RABGAP1L: variants seen among roughly 807,000 people sequenced by gnomAD.
RABGAP1L encodes the protein rab GTPase-activating protein 1-like.
Under a neutral mutation model 137.7 loss-of-function variants are expected in RABGAP1L, and 63 were observed. The observed-to-expected ratio is 0.46, with a 90% CI of 0.37 to 0.56. The LOEUF is 0.56. Among genes scored for constraint, RABGAP1L ranks in the 20% least tolerant of loss-of-function variants. The pLI is 0.00. For missense variants in RABGAP1L, 1,095 were observed against 1,244.0 expected (o/e 0.88, Z 1.80); for synonymous variants, 431 against 433.7 (o/e 0.99, Z 0.08).
chr1:174,978,979 G>C, intron 23 of RABGAP1L, 89 bp downstream of exon 23: 1 of 1,378,872 alleles, frequency 7.3e-7, no homozygotes, highest in South Asian at 1.8e-5. Context: ...AGGAGTTTGA[G>C]ACTAGCCTGA....
At chr1:174,588,361 C>T (rs1278356011) in intron 13 of RABGAP1L, among the ~76,000 whole-genome samples, 2 of 151,456 alleles carry the variant, frequency 1.3e-5, no homozygotes, top group East Asian at 1.9e-4. Context: ...ATGGGGGTTT[C>T]ATCATGTTGG....
intron 15 of RABGAP1L, among the ~76,000 whole-genome samples, chr1:174,686,396 T>C (rs1678460577): frequency 6.6e-6 from 1 of 152,160 alleles, no homozygotes; most frequent in Non-Finnish European, 1.5e-5. Context: ...TCTCACCTTT[T>C]TGGGACTTCC....
intron 13 of RABGAP1L, among the ~76,000 whole-genome samples, chr1:174,536,069 G>T (rs1664864295): frequency 6.6e-6 from 1 of 151,944 alleles, no homozygotes; most frequent in Non-Finnish European, 1.5e-5. Flanking sequence ...AGGAAATCTT[G>T]TCCTTATCTC....
chr1:174,771,918 G>A (rs187946353), intron 18 of RABGAP1L, among the ~76,000 whole-genome samples: 2 of 152,262 alleles, frequency 1.3e-5, no homozygotes, highest in African/African-American at 4.8e-5. Flanking sequence ...TAATCTTCAC[G>A]GCCGGGCACA....
intron 19 of RABGAP1L, among the ~76,000 whole-genome samples, chr1:174,879,539 A>C (rs1308451812): frequency 6.6e-6 from 1 of 152,092 alleles, no homozygotes; most frequent in African/African-American, 2.4e-5. Flanking sequence ...GGCTGATACT[A>C]TGATTTTTTT....
intron 1 of RABGAP1L, among the ~76,000 whole-genome samples, chr1:174,209,645 T>C (rs1228269500): frequency 1.3e-5 from 2 of 152,180 alleles, no homozygotes; most frequent in African/African-American, 2.4e-5. Flanking sequence ...ATGACACTTC[T>C]TGACCCACCT....
Position 174,829,643 on chromosome 1 carries a change from T to C in RABGAP1L, c.2340+17683T>C, listed in dbSNP as rs758120092. 2.7e-5 allele frequency among the ~76,000 whole-genome samples: 4 copies of C among 148,506 alleles called. 1 individual carries two copies. The highest frequency in any genetic ancestry group is 4.5e-5 in the Non-Finnish European group (3 of 66,734). On this transcript the variant is annotated intron_variant, in intron 19 of 25. Coordinates refer to ENST00000681986, the MANE Select transcript of RABGAP1L (RefSeq NM_001366446.1). The stretch of plus-strand genomic sequence containing the variant: ...TGTGTTGAAAGAATTGAGGCTAAGA[T>C]GTATATGCCACAGACTTTAAAACAG...
chr1:174,316,040 T>G (rs1317978494), intron 11 of RABGAP1L, among the ~76,000 whole-genome samples: 3 of 152,236 alleles, frequency 2.0e-5, no homozygotes, highest in African/African-American at 7.2e-5. Context: ...GATCTGTTCC[T>G]TAGCTCCAAT....
At chr1:174,366,063 A>G (rs1386318235) in intron 11 of RABGAP1L, among the ~76,000 whole-genome samples, 1 of 152,164 alleles carries the variant, frequency 6.6e-6, no homozygotes, top group African/African-American at 2.4e-5. Flanking sequence ...TTGGATCTAT[A>G]AATTATTTAA....
At position 174,470,096 on chromosome 1, in the gene RABGAP1L, T is replaced by C. The variant is rs146128061; in HGVS notation, c.1710+75951T>C. Among the ~76,000 whole-genome samples the C allele has an allele frequency of 7.0e-4, 106 of 152,310 alleles. 1 individual carries two copies. The highest frequency in any genetic ancestry group is 2.3e-3 in the African/African-American group (95 of 41,570). The stretch of plus-strand genomic sequence containing the variant: ...TACAGCCATGACCCATCTTGAATTA[T>C]TTTACCACTTGCACAGGGCTACTAC... On this transcript the variant is annotated intron_variant, in intron 13 of 25. Transcript: ENST00000681986.
Position 174,279,617 on chromosome 1 carries a change from C to CTT in RABGAP1L, c.1323+839_1323+840insTT, listed in dbSNP as rs556338284. ...CCATGGCGCATCTCGGCTTTATATACTATGTACTTGGAAATTATTGTGGTT... is the reference window on the plus strand; with the variant it reads ...CCATGGCGCATCTCGGCTTTATATACTTTATGTACTTGGAAATTATTGTGGTT... On this transcript the variant is annotated intron_variant, in intron 10 of 25. Coordinates refer to ENST00000681986, the MANE Select transcript of RABGAP1L (RefSeq NM_001366446.1). Among the ~76,000 whole-genome samples, 3 of 152,118 alleles carry CTT rather than the reference C, an allele frequency of 2.0e-5. No individual in the cohort carries two copies. In the South Asian group the frequency reaches 6.2e-4, roughly 32 times the overall value.
At chr1:174,610,470 G>A (rs1178573390) in intron 13 of RABGAP1L, among the ~76,000 whole-genome samples, 28 of 151,864 alleles carry the variant, frequency 1.8e-4, no homozygotes, top group Non-Finnish European at 2.4e-4. Context: ...GGACATTTGG[G>A]TTGGTTCCAA....
intron 13 of RABGAP1L, among the ~76,000 whole-genome samples, chr1:174,468,574 CA>C (rs1657557607): frequency 1.3e-5 from 2 of 152,102 alleles, no homozygotes; most frequent in Non-Finnish European, 2.9e-5. Context: ...ACAGCGTGGG[CA>C]GATATTTTTG....
At chr1:174,528,504 A>C (rs12088073) in intron 13 of RABGAP1L, among the ~76,000 whole-genome samples, 86,889 of 144,364 alleles carry the variant, frequency 0.6, 27,484 homozygotes, top group African/African-American at 0.85. Context: ...TTTTTTTTTT[A>C]TTTCAGCGCT....
intron 7 of RABGAP1L, among the ~76,000 whole-genome samples, chr1:174,263,436 G>T (rs2148636201): frequency 6.6e-6 from 1 of 152,222 alleles, no homozygotes; most frequent in African/African-American, 2.4e-5. Context: ...AATTTTCCCT[G>T]TTTAAATTAC....
At chr1:174,677,122 G>A (rs1677690158) in intron 14 of RABGAP1L, among the ~76,000 whole-genome samples, 1 of 142,108 alleles carries the variant, frequency 7.0e-6, no homozygotes, top group South Asian at 2.2e-4. Flanking sequence ...AGGAATTTGA[G>A]ACCAGTCTAG....
chr1:174,254,576 G>A (rs1672966374), intron 7 of RABGAP1L, among the ~76,000 whole-genome samples: 1 of 152,212 alleles, frequency 6.6e-6, no homozygotes, highest in African/African-American at 2.4e-5. Context: ...TTATGAGTGA[G>A]AACATGCAGT....
intron 12 of RABGAP1L, among the ~76,000 whole-genome samples, chr1:174,384,273 T>C (rs1686534901): frequency 6.6e-6 from 1 of 152,216 alleles, no homozygotes; most frequent in South Asian, 2.1e-4. Flanking sequence ...CTGGTGGTAT[T>C]GACTACAAGA....
intron 19 of RABGAP1L, among the ~76,000 whole-genome samples, chr1:174,859,040 C>T (rs1399893570): frequency 1.3e-5 from 2 of 152,096 alleles, no homozygotes; most frequent in Admixed American, 6.5e-5. Flanking sequence ...TACCATTTGA[C>T]CCAGCAATCC....
Sources: allele counts gnomAD v4.1 joint callset (sites outside exome capture counted in the v4.1 genomes callset), GRCh38; gene constraint gnomAD v4.1.1; transcripts MANE v1.5; gene names NCBI Gene and HGNC (gene_info 2026-07-23, HGNC 2026-07-21).